Variants in FAM171A1 observed in about 807,000 individuals in gnomAD.
The protein encoded by FAM171A1 is protein FAM171A1.
Under a neutral mutation model 74.9 loss-of-function variants are expected in FAM171A1, and 23 were observed. That is an observed-to-expected ratio of 0.31 (90% CI 0.22 to 0.44). FAM171A1 has a LOEUF of 0.44. FAM171A1 is among the 20% of genes least tolerant of loss of function. The pLI, the probability that FAM171A1 is intolerant of heterozygous loss-of-function variation, is 1.00. For missense variants in FAM171A1, 1,162 were observed against 1,159.2 expected (o/e 1.00, Z -0.03); for synonymous variants, 527 against 505.7 (o/e 1.04, Z -0.57).
At chr10:15,265,142 A>T (rs1011702126) in intron 3 of FAM171A1, among the ~76,000 whole-genome samples, 1 of 152,198 alleles carries the variant, frequency 6.6e-6, no homozygotes, top group Non-Finnish European at 1.5e-5. Flanking sequence ...TGATAAAATT[A>T]ACTATAATGA....
chr10:15,236,528 G>C (rs554723149), intron 5 of FAM171A1, among the ~76,000 whole-genome samples: 1 of 152,092 alleles, frequency 6.6e-6, no homozygotes, highest in African/African-American at 2.4e-5. Context: ...AGTCACCAGA[G>C]GAGGAGCCGG....
intron 1 of FAM171A1, among the ~76,000 whole-genome samples, chr10:15,327,807 C>T (rs988745248): frequency 5.9e-5 from 9 of 151,922 alleles, no homozygotes; most frequent in African/African-American, 1.7e-4. Context: ...AATGGAAAAA[C>T]TATGTATTTG....
chr10:15,351,838 A>G (rs1209887031), intron 1 of FAM171A1, among the ~76,000 whole-genome samples: 1 of 152,034 alleles, frequency 6.6e-6, no homozygotes, highest in Admixed American at 6.6e-5. Context: ...GGATCCCTTG[A>G]GCCTGGGAGT....
At chr10:15,289,767 C>T (rs905001048) in intron 1 of FAM171A1, among the ~76,000 whole-genome samples, 9 of 152,360 alleles carry the variant, frequency 5.9e-5, no homozygotes, top group African/African-American at 1.9e-4. Context: ...CTTTTGTATA[C>T]AGTCCATGAA....
chr10:15,360,600 C>T (rs1835982086), intron 1 of FAM171A1, among the ~76,000 whole-genome samples: 1 of 152,190 alleles, frequency 6.6e-6, no homozygotes, highest in Admixed American at 6.5e-5. Context: ...GATGGGTGGG[C>T]ACAGAGGAGT....
chr10:15,250,877 T>G (rs145202559), intron 4 of FAM171A1, among the ~76,000 whole-genome samples: 1 of 152,276 alleles, frequency 6.6e-6, no homozygotes, highest in Non-Finnish European at 1.5e-5. Flanking sequence ...TTCATCAAAC[T>G]CTAGTCAAGA....
chr10:15,368,326 G>A (rs1049532846), intron 1 of FAM171A1, among the ~76,000 whole-genome samples: 2 of 152,168 alleles, frequency 1.3e-5, no homozygotes, highest in African/African-American at 2.4e-5. Flanking sequence ...AGTTTCATCA[G>A]ATGACATAAA....
In FAM171A1 at chr10:15,214,601, C is replaced by T. The variant is rs966557009; in HGVS notation, c.987G>A (p.Arg329=). 1 of 1,578,584 alleles carries T rather than the reference C, an allele frequency of 6.3e-7. No homozygotes were observed. Among genetic ancestry groups the T allele is most frequent in the Non-Finnish European group, 8.6e-7 (1 of 1,162,694 alleles). ...GCTGACGAGGTTTCAAGCACTTCCT[C>T]CTGCGCCCAAAGACACAATCCAAAG... ...VLLCLLLYYC[R]RKCLKPRQHH... Residue 329 remains arginine, a splice_region_variant and synonymous_variant, in exon 8 of 8, where the codon AGG becomes AGA. Coordinates refer to ENST00000378116, the MANE Select transcript of FAM171A1 (RefSeq NM_001010924.2).
intron 5 of FAM171A1, among the ~76,000 whole-genome samples, chr10:15,226,099 C>T (rs1834102949): frequency 6.6e-6 from 1 of 152,218 alleles, no homozygotes; most frequent in African/African-American, 2.4e-5. Context: ...CTTGCAGACT[C>T]AAGGCAAGGT....
chr10:15,229,933 TC>T (rs1834182628), intron 5 of FAM171A1, among the ~76,000 whole-genome samples: 1 of 149,794 alleles, frequency 6.7e-6, no homozygotes, highest in Non-Finnish European at 1.5e-5. Flanking sequence ...ATCATCATCA[TC>T]ACCATCACCA....
At chr10:15,328,770 A>T (rs1835589661) in intron 1 of FAM171A1, among the ~76,000 whole-genome samples, 1 of 152,154 alleles carries the variant, frequency 6.6e-6, no homozygotes, top group Non-Finnish European at 1.5e-5. Flanking sequence ...CCTGGCAACC[A>T]TCCTTACCTC....
At chr10:15,340,922 G>C (rs1482715899) in intron 1 of FAM171A1, among the ~76,000 whole-genome samples, 1 of 152,116 alleles carries the variant, frequency 6.6e-6, no homozygotes, top group Non-Finnish European at 1.5e-5. Context: ...TGGAGGGTGG[G>C]GAGGGCATGG....
Position 15,236,048 on chromosome 10 carries a change from C to CGTAA in FAM171A1, c.754+12590_754+12591insTTAC, listed in dbSNP as rs547784341. ...ACTCGCTTTGGACATCAGAGACTTA[C>CGTAA]GTTCCTGCTGTACCCAAATTAAAAG... On this transcript the variant is annotated intron_variant, in intron 5 of 7. Transcript: ENST00000378116. Among the ~76,000 whole-genome samples the CGTAA allele has an allele frequency of 5.9e-5, 9 of 152,274 alleles. No individual in the cohort carries two copies. In the East Asian group the frequency reaches 1.4e-3, roughly 23 times the overall value.
chr10:15,257,201 G>C (rs1834591431), intron 3 of FAM171A1, among the ~76,000 whole-genome samples: 1 of 152,158 alleles, frequency 6.6e-6, no homozygotes, highest in African/African-American at 2.4e-5. Flanking sequence ...GGTGATCCCA[G>C]AGCAGGGAAG....
chr10:15,283,188 G>A (rs1227384208), intron 2 of FAM171A1, among the ~76,000 whole-genome samples: 1 of 152,122 alleles, frequency 6.6e-6, no homozygotes, highest in African/African-American at 2.4e-5. Context: ...CACACCATCA[G>A]TGCAATCAAC....
intron 1 of FAM171A1, among the ~76,000 whole-genome samples, chr10:15,359,305 C>A (rs1304741903): frequency 6.6e-6 from 1 of 152,150 alleles, no homozygotes; most frequent in Non-Finnish European, 1.5e-5. Context: ...AAAAACAGCA[C>A]CACTTTAGAT....
chr10:15,347,634 G>A (rs1835831641), intron 1 of FAM171A1, among the ~76,000 whole-genome samples: 1 of 151,836 alleles, frequency 6.6e-6, no homozygotes, highest in Non-Finnish European at 1.5e-5. Flanking sequence ...TCAAGAGATG[G>A]AGACCATCCT....
intron 5 of FAM171A1, chr10:15,237,379 G>T (rs1408330984): frequency 6.6e-6 from 1 of 152,092 alleles, no homozygotes; most frequent in Non-Finnish European, 1.5e-5. Flanking sequence ...TTCTCATTTT[G>T]GGGGGAGACA....
At chr10:15,234,022 C>G (rs191010067) in intron 5 of FAM171A1, among the ~76,000 whole-genome samples, 9 of 151,904 alleles carry the variant, frequency 5.9e-5, no homozygotes, top group African/African-American at 2.2e-4. Flanking sequence ...TTTTACAGAT[C>G]TCATATTTGA....
Sources: allele counts gnomAD v4.1 joint callset (sites outside exome capture counted in the v4.1 genomes callset), GRCh38; gene constraint gnomAD v4.1.1; transcripts MANE v1.5; gene names NCBI Gene and HGNC (gene_info 2026-07-23, HGNC 2026-07-21).